DENND4C: variants seen among roughly 807,000 people sequenced by gnomAD.
DENND4C encodes DENN domain-containing protein 4C.
Under a neutral mutation model 203.0 loss-of-function variants are expected in DENND4C, and 108 were observed. That is an observed-to-expected ratio of 0.53 (90% CI 0.46 to 0.62). The LOEUF is 0.62. Ranked by LOEUF, DENND4C falls within the 20% of genes least tolerant of loss-of-function variation. The probability of loss-of-function intolerance (pLI) is 0.00; values close to 1 mark genes in which losing one functional copy is unlikely to be tolerated. For missense variants in DENND4C, 2,481 were observed against 2,301.2 expected (o/e 1.08, Z -1.60); for synonymous variants, 871 against 792.4 (o/e 1.10, Z -1.67).
At chr9:19,233,537 A>G (rs1821088932) in intron 1 of DENND4C, among the ~76,000 whole-genome samples, 1 of 151,148 alleles carries the variant, frequency 6.6e-6, no homozygotes, top group South Asian at 2.1e-4. Context: ...TGGATGTAAT[A>G]GAGCTTAACA....
rs569650141 is a variant in DENND4C at position 19,367,398 on chromosome 9, C to T, written c.5525-2439C>T. 2.0e-4 allele frequency among the ~76,000 whole-genome samples: 31 copies of T among 152,326 alleles called. 2 individuals carry two copies. In the South Asian group the frequency reaches 5.8e-3, roughly 28 times the overall value. On this transcript the variant is annotated intron_variant, in intron 30 of 32. Transcript: ENST00000434457. ...ACTTGCACATGAATGTTCATAATAG[C>T]ATTTGCATAATAGCCAAAAATACGG...
intron 10 of DENND4C, among the ~76,000 whole-genome samples, chr9:19,307,703 G>A (rs111338718): frequency 0.064 from 9,619 of 150,078 alleles, 455 homozygotes; most frequent in Admixed American, 0.13. Context: ...TGAGGAGGTG[G>A]AGGTTGCAGT....
chr9:19,311,352 C>T (rs1237239169), intron 10 of DENND4C, among the ~76,000 whole-genome samples: 2 of 152,146 alleles, frequency 1.3e-5, no homozygotes, highest in African/African-American at 4.8e-5. Context: ...TCTGGAACTC[C>T]TGACCTCAGG....
At chr9:19,354,397 A>G (rs768997277) in intron 26 of DENND4C, among the ~76,000 whole-genome samples, 7 of 152,174 alleles carry the variant, frequency 4.6e-5, no homozygotes, top group Non-Finnish European at 8.8e-5. Flanking sequence ...TGCTTCCTAG[A>G]CGGCTGCACT....
At chr9:19,318,106 G>A (rs140564600) in intron 12 of DENND4C, among the ~76,000 whole-genome samples, 1 of 152,184 alleles carries the variant, frequency 6.6e-6, no homozygotes, top group Non-Finnish European at 1.5e-5. Flanking sequence ...ATCACCTGAG[G>A]TTACGAGTTC....
At chr9:19,236,183 G>T (rs911288780) in intron 1 of DENND4C, among the ~76,000 whole-genome samples, 8 of 151,828 alleles carry the variant, frequency 5.3e-5, no homozygotes, top group African/African-American at 1.5e-4. Flanking sequence ...TATCTGCTAG[G>T]AATAATAATA....
intron 1 of DENND4C, among the ~76,000 whole-genome samples, chr9:19,237,280 G>A (rs1822210554): frequency 6.6e-6 from 1 of 151,938 alleles, no homozygotes; most frequent in Non-Finnish European, 1.5e-5. Context: ...TGGCCTTCCA[G>A]AGTGCTGGGA....
At position 19,350,681 on chromosome 9, in the gene DENND4C, A is replaced by T. The variant is rs1047963298; in HGVS notation, c.4318-21A>T. Reference sequence around the variant, plus strand: ...AGAAGGTATTATTTATGTATGTGGAATTTTTTTTTTTCAATTAAAGGAAGA... The same window carrying T: ...AGAAGGTATTATTTATGTATGTGGATTTTTTTTTTTTCAATTAAAGGAAGA... On this transcript the variant is annotated intron_variant, in intron 23 of 32. Coordinates refer to ENST00000434457, the MANE Select transcript of DENND4C (RefSeq NM_001330640.2). 563 of 1,305,522 alleles carry T rather than the reference A, an allele frequency of 4.3e-4. 1 individual carries two copies. Among genetic ancestry groups the T allele is most frequent in the Admixed American group, 5.8e-4 (27 of 46,950 alleles). 80.9% of individuals were successfully genotyped at this position (1,305,522 alleles called of 1,614,324 possible).
chr9:19,267,633 C>T (rs1830777542), intron 1 of DENND4C, among the ~76,000 whole-genome samples: 1 of 151,660 alleles, frequency 6.6e-6, no homozygotes, highest in South Asian at 2.1e-4. Context: ...AACTCCTGAG[C>T]TCAGGGGATC....
At chr9:19,279,970 A>G (rs897613851) in intron 2 of DENND4C, among the ~76,000 whole-genome samples, 1 of 152,146 alleles carries the variant, frequency 6.6e-6, no homozygotes, top group African/African-American at 2.4e-5. Flanking sequence ...ACATTTTCAT[A>G]TTGAAGGAAG....
intron 1 of DENND4C, among the ~76,000 whole-genome samples, chr9:19,247,455 A>G (rs1825571175): frequency 6.6e-6 from 1 of 152,164 alleles, no homozygotes; most frequent in South Asian, 2.1e-4. Context: ...AAATACAGTG[A>G]TGCAATTATA....
At position 19,373,344 on chromosome 9, in the gene DENND4C, C is replaced by T. The variant is rs1388441506; in HGVS notation, c.*1171C>T. 6.6e-6 allele frequency: 1 copy of T among 152,488 alleles called. No individual in the cohort carries two copies. Among genetic ancestry groups the T allele is most frequent in the African/African-American group, 2.4e-5 (1 of 41,414 alleles). 9.4% of individuals were successfully genotyped at this position (152,488 alleles called of 1,614,324 possible). On this transcript the variant is annotated 3_prime_UTR_variant, in exon 33 of 33. Coordinates refer to ENST00000434457, the MANE Select transcript of DENND4C (RefSeq NM_001330640.2). ...AGTTAAAATGAAATTAAATCAGCTGCCTAATAATTTATGGAATTCATTGGA... is the reference window on the plus strand; with the variant it reads ...AGTTAAAATGAAATTAAATCAGCTGTCTAATAATTTATGGAATTCATTGGA...
chr9:19,305,974 A>G (rs767416862), intron 10 of DENND4C, among the ~76,000 whole-genome samples: 15 of 152,158 alleles, frequency 9.9e-5, no homozygotes, highest in Non-Finnish European at 1.8e-4. Flanking sequence ...TTTTATAAGG[A>G]TCTGTTGTTT....
chr9:19,367,320 A>G (rs1827885181), intron 30 of DENND4C, among the ~76,000 whole-genome samples: 1 of 152,268 alleles, frequency 6.6e-6, no homozygotes, highest in Admixed American at 6.5e-5. Flanking sequence ...TTACCATATG[A>G]TACAGCAGTT....
chr9:19,326,867 G>A (rs879584747), intron 15 of DENND4C, among the ~76,000 whole-genome samples: 1 of 151,880 alleles, frequency 6.6e-6, no homozygotes, highest in Admixed American at 6.6e-5. Flanking sequence ...ATATTTTTGT[G>A]CCTTATCATT....
intron 16 of DENND4C, among the ~76,000 whole-genome samples, chr9:19,331,035 G>A (rs67601721): frequency 0.24 from 36,517 of 151,238 alleles, 4,630 homozygotes; most frequent in East Asian, 0.42. Context: ...CAGCCTTGGC[G>A]ACAAAAGCAA....
intron 1 of DENND4C, among the ~76,000 whole-genome samples, chr9:19,238,428 C>G (rs1822588918): frequency 1.4e-5 from 2 of 147,854 alleles, no homozygotes; most frequent in African/African-American, 5.0e-5. Flanking sequence ...GATATAGGAA[C>G]TAGTTAGGTT....
At chr9:19,234,534 T>G (rs928726918) in intron 1 of DENND4C, among the ~76,000 whole-genome samples, 2 of 147,920 alleles carry the variant, frequency 1.4e-5, no homozygotes, top group African/African-American at 5.0e-5. Context: ...CTGGCTGTTT[T>G]TTTTTTTTTT....
chr9:19,299,369 A>C, intron 8 of DENND4C, 82 bp downstream of exon 8: 1 of 854,082 alleles, frequency 1.2e-6, no homozygotes, highest in Non-Finnish European at 1.7e-6. Context: ...GTATATTATT[A>C]ATATATTAGT....
Sources: gnomAD v4.1 joint callset for allele counts (sites outside exome capture counted in the v4.1 genomes callset) on GRCh38, gnomAD v4.1.1 for gene constraint, MANE v1.5 for transcripts, NCBI Gene and HGNC (gene_info 2026-07-23, HGNC 2026-07-21) for gene names.